The following TRHDE variants were observed in gnomAD, a reference collection of about 807,000 sequenced individuals.
TRHDE encodes the protein thyrotropin releasing hormone degrading enzyme, also known as thyrotropin-releasing hormone-degrading ectoenzyme.
TRHDE carries 72 observed loss-of-function variants against 125.7 expected under a neutral mutation model. The ratio of observed to expected loss-of-function variants is 0.57; its 90% CI spans 0.47 to 0.70. The LOEUF (loss-of-function observed/expected upper bound fraction) is 0.70. TRHDE is among the 30% of genes least tolerant of loss of function. The probability of loss-of-function intolerance (pLI) is 0.00; values close to 1 mark genes in which losing one functional copy is unlikely to be tolerated. For synonymous variants in TRHDE, 509 were observed against 509.1 expected (o/e 1.00, Z 0.00); for missense variants, 1,110 against 1,327.1 (o/e 0.84, Z 2.54).
chr12:72,452,082 G>A (rs1047572584), intron 3 of TRHDE, among the ~76,000 whole-genome samples: 1 of 152,160 alleles, frequency 6.6e-6, no homozygotes, highest in Non-Finnish European at 1.5e-5. Flanking sequence ...GCCCGCATTG[G>A]CCTCCCAAAG....
rs188171976 is a variant in TRHDE at position 72,327,483 on chromosome 12, T to C, written c.1188+40529T>C. Among the ~76,000 whole-genome samples, 9 of 152,274 alleles carry C rather than the reference T, an allele frequency of 5.9e-5. No homozygotes were observed. The East Asian group carries it at 1.7e-3, about 29-fold the overall frequency. On this transcript the variant is annotated intron_variant, in intron 2 of 18. Transcript: ENST00000261180. ...AAACTGTTTGGATTTGGGGAATCATTACAATTAAATGGATCATCTAGCAGA... is the reference window on the plus strand; with the variant it reads ...AAACTGTTTGGATTTGGGGAATCATCACAATTAAATGGATCATCTAGCAGA...
At chr12:72,133,652 G>GTT (rs111482743) in intron 2 of TRHDE, among the ~76,000 whole-genome samples, 5,828 of 152,230 alleles carry the variant, frequency 0.038, 207 homozygotes, top group South Asian at 0.11. Context: ...TGATATAGAG[G>GTT]TCCATCACTG....
intron 2 of TRHDE, among the ~76,000 whole-genome samples, chr12:72,141,099 C>T (rs1485843035): frequency 6.6e-6 from 1 of 151,874 alleles, no homozygotes; most frequent in Non-Finnish European, 1.5e-5. Context: ...TATTTGGGGC[C>T]TACTTATATG....
intron 17 of TRHDE, among the ~76,000 whole-genome samples, chr12:72,654,289 T>G (rs1173553185): frequency 6.6e-6 from 1 of 152,162 alleles, no homozygotes; most frequent in Non-Finnish European, 1.5e-5. Context: ...CCTGATATGC[T>G]TATTTTGTCT....
At chr12:72,238,314 ATATATATAC>A (rs1565669950) in intron 2 of TRHDE, among the ~76,000 whole-genome samples, 12 of 33,742 alleles carry the variant, frequency 3.6e-4, no homozygotes, top group African/African-American at 7.2e-4. Flanking sequence ...ATATATATAT[ATATATATAC>A]ATATATATAT....
At chr12:72,253,562 G>C (rs1220113038) in intron 2 of TRHDE, 1 of 152,080 alleles carries the variant, frequency 6.6e-6, no homozygotes, top group African/African-American at 2.4e-5. Flanking sequence ...ACAGAAGATT[G>C]AGTAGAAGGT....
In TRHDE at chr12:72,293,050, A is replaced by G. The variant is rs139756979; in HGVS notation, c.1188+6096A>G. On this transcript the variant is annotated intron_variant, in intron 2 of 18. Coordinates refer to ENST00000261180, the MANE Select transcript of TRHDE (RefSeq NM_013381.3). ...CTGGGGGCAAGAATCTTCTGACTGCATCTTTACTAAATGATTTTATTTGAT... is the reference window on the plus strand; with the variant it reads ...CTGGGGGCAAGAATCTTCTGACTGCGTCTTTACTAAATGATTTTATTTGAT... Among the ~76,000 whole-genome samples the G allele has an allele frequency of 6.7e-3, 1,016 of 152,274 alleles. 3 individuals are homozygous for G. The highest frequency in any genetic ancestry group is 0.051 in the Middle Eastern group (15 of 294).
At chr12:72,661,966 C>A (rs1233887857) in intron 18 of TRHDE, among the ~76,000 whole-genome samples, 1 of 152,136 alleles carries the variant, frequency 6.6e-6, no homozygotes, top group Non-Finnish European at 1.5e-5. Context: ...CTGAGAAAAC[C>A]CATCAGTATC....
intron 2 of TRHDE, among the ~76,000 whole-genome samples, chr12:72,213,263 AG>A (rs1877820540): frequency 6.6e-6 from 1 of 152,226 alleles, no homozygotes; most frequent in Middle Eastern, 3.4e-3. Context: ...GTTCAAAAGT[AG>A]GTTGTGGTGG....
rs527438262 is a variant in TRHDE, at chr12:72,652,429, C to G, written c.2783C>G (p.Ser928Cys). ...AAATTCCATTCCACCACAGCAGTTT[C>G]TGAGAAGAAAATATTATTGGAAGCC... Reference protein sequence around the residue: ...WMKFHSTTAVSEKKILLEALT... With the variant: ...WMKFHSTTAVCEKKILLEALT... The change falls in exon 16 of 19, where the codon TCT becomes TGT. Residue 928 changes from serine to cysteine, a missense_variant. Physicochemically the swap from Ser to Cys is moderately radical, Grantham distance 112. This residue lies in a region of TRHDE where 527 missense variants were observed against 651.8 expected (regional missense o/e 0.81). Coordinates refer to ENST00000261180, the MANE Select transcript of TRHDE (RefSeq NM_013381.3). 1 of 1,608,018 alleles carries G rather than the reference C, an allele frequency of 6.2e-7. No individual in the cohort carries two copies. The highest frequency in any genetic ancestry group is 1.1e-5 in the South Asian group (1 of 90,532).
intron 6 of TRHDE, among the ~76,000 whole-genome samples, chr12:72,534,175 A>G (rs745918150): frequency 2.0e-4 from 31 of 152,232 alleles, no homozygotes; most frequent in Non-Finnish European, 5.9e-5. Context: ...CGGTTAGTTT[A>G]AATAATCTAG....
At chr12:72,176,638 T>C (rs1029615970) in intron 2 of TRHDE, among the ~76,000 whole-genome samples, 2 of 152,222 alleles carry the variant, frequency 1.3e-5, no homozygotes, top group African/African-American at 4.8e-5. Flanking sequence ...ATGGTGCACG[T>C]GTAGCCGATG....
rs1210874857 is a variant in TRHDE at position 72,177,132 on chromosome 12, T to C, written n.279+71380T>C. ...CGGAGCATCACCAAAGGTTTTTTTT[T>C]TTATTGGAAATTGCTATAACTAAGG... is the stretch of plus-strand genomic sequence containing the variant. On this transcript the variant is annotated intron_variant and non_coding_transcript_variant, in intron 2 of 4. Coordinates refer to the TRHDE transcript ENST00000548156. Among the ~76,000 whole-genome samples the C allele has an allele frequency of 2.0e-5, 3 of 152,234 alleles. No homozygotes were observed. The East Asian group carries it at 5.8e-4, about 29-fold the overall frequency.
rs191030719 is a variant in TRHDE, at chr12:72,164,158, T to C, written n.279+58406T>C. 2.6e-5 allele frequency among the ~76,000 whole-genome samples: 4 copies of C among 152,242 alleles called. No individual in the cohort carries two copies. The East Asian group carries it at 5.8e-4, about 22-fold the overall frequency. ...AACAACAACAAACAAAATTCATCGA[T>C]AAATGCATTGATGAGGGTAGTTTTT... is the stretch of plus-strand genomic sequence containing the variant. On this transcript the variant is annotated intron_variant and non_coding_transcript_variant, in intron 2 of 4. Coordinates refer to the TRHDE transcript ENST00000548156.
intron 5 of TRHDE, among the ~76,000 whole-genome samples, chr12:72,489,478 G>A (rs890167746): frequency 6.6e-6 from 1 of 151,662 alleles, no homozygotes; most frequent in Admixed American, 6.6e-5. Flanking sequence ...ATTATGCACA[G>A]AAATAGAAGA....
chr12:72,525,634 T>TGTGTGA (rs1431758592), intron 6 of TRHDE, among the ~76,000 whole-genome samples: 5 of 98,938 alleles, frequency 5.1e-5, no homozygotes, highest in African/African-American at 1.4e-4. Flanking sequence ...TGTGTGTGTG[T>TGTGTGA]GAGAGAGAGA....
chr12:72,453,453 T>A (rs1348808790), intron 3 of TRHDE, among the ~76,000 whole-genome samples: 1 of 152,106 alleles, frequency 6.6e-6, no homozygotes, highest in Admixed American at 6.6e-5. Context: ...AAGTTGGAAT[T>A]TATATTTAAA....
intron 2 of TRHDE, among the ~76,000 whole-genome samples, chr12:72,147,215 T>G (rs993595099): frequency 6.6e-6 from 1 of 151,622 alleles, no homozygotes; most frequent in African/African-American, 2.4e-5. Flanking sequence ...TGCTTGAGGG[T>G]GGGGGGCCTT....
At chr12:72,297,939 A>C (rs1880364832) in intron 2 of TRHDE, among the ~76,000 whole-genome samples, 1 of 152,224 alleles carries the variant, frequency 6.6e-6, no homozygotes, top group African/African-American at 2.4e-5. Flanking sequence ...GGAGGAGCTT[A>C]TAGAACCATT....
Sources: gnomAD v4.1 joint callset for allele counts (sites outside exome capture counted in the v4.1 genomes callset) on GRCh38, gnomAD v4.1.1 for gene constraint, gnomAD v4.1.1 regional missense constraint, MANE v1.5 for transcripts, NCBI Gene and HGNC (gene_info 2026-07-23, HGNC 2026-07-21) for gene names.